The following NME7 variants were observed in gnomAD, a reference collection of about 807,000 sequenced individuals.
NME7 encodes the protein nucleoside diphosphate kinase 7.
NME7 carries 41 observed loss-of-function variants against 49.1 expected under a neutral mutation model. That is an observed-to-expected ratio of 0.83 (90% CI 0.65 to 1.08). The LOEUF (loss-of-function observed/expected upper bound fraction) is 1.08, where lower values mean the gene tolerates loss of function less well. NME7 is among the 50% of genes least tolerant of loss of function. The pLI is 0.00. For synonymous variants in NME7, 139 were observed against 150.6 expected (o/e 0.92, Z 0.56); for missense variants, 423 against 463.4 (o/e 0.91, Z 0.80).
At chr1:169,233,939 TTTC>T (rs200047393) in intron 9 of NME7, among the ~76,000 whole-genome samples, 3 of 150,680 alleles carry the variant, frequency 2.0e-5, no homozygotes, top group Admixed American at 6.6e-5. Flanking sequence ...TGTTTCTTTC[TTTC>T]TTCTTTTTCT....
chr1:169,275,852 T>C (rs1649696632), intron 7 of NME7, among the ~76,000 whole-genome samples: 2 of 131,804 alleles, frequency 1.5e-5, no homozygotes, highest in African/African-American at 5.1e-5. Context: ...TATTTTGAGA[T>C]ACATCCCATC....
At chr1:169,251,781 A>G (rs1329740074) in intron 7 of NME7, among the ~76,000 whole-genome samples, 14 of 145,512 alleles carry the variant, frequency 9.6e-5, no homozygotes, top group Non-Finnish European at 1.6e-4. Context: ...TCATTGTTCA[A>G]TTCCCACCTA....
intron 1 of NME7, among the ~76,000 whole-genome samples, chr1:169,336,031 C>G (rs4534447): frequency 6.6e-6 from 1 of 151,628 alleles, no homozygotes; most frequent in Non-Finnish European, 1.5e-5. Context: ...GTGGCGCATC[C>G]GGAGTCTGTC....
intron 11 of NME7, among the ~76,000 whole-genome samples, chr1:169,151,153 G>A (rs1392388985): frequency 1.6e-5 from 2 of 125,912 alleles, no homozygotes; most frequent in African/African-American, 2.8e-5. Flanking sequence ...CCAGGAGAGG[G>A]GGCCCAGGCT....
Position 169,354,970 on chromosome 1 carries a change from TAATTATATATGTTTATATATAATATA to T in NME7, c.3+12712_3+12737del, listed in dbSNP as rs1653339166. ...ATATTATATATGTTTATATATAATA[TAATTATATATGTTTATATATAATATA>T]ATTATATATGTTTATATATAATATA... On this transcript the variant is annotated intron_variant, in intron 1 of 11. Coordinates refer to ENST00000367811, the MANE Select transcript of NME7 (RefSeq NM_013330.5). Among the ~76,000 whole-genome samples, 3 of 27,900 alleles carry T rather than the reference TAATTATATATGTTTATATATAATATA, an allele frequency of 1.1e-4. No homozygotes were observed. In the South Asian group the frequency reaches 1.7e-3, roughly 16 times the overall value. The allele number at this position is 27,900 out of a possible 152,430, so 18.3% of individuals were successfully genotyped here.
chr1:169,281,584 T>C (rs958478850), intron 7 of NME7, among the ~76,000 whole-genome samples: 2 of 152,196 alleles, frequency 1.3e-5, no homozygotes, highest in African/African-American at 4.8e-5. Flanking sequence ...ATATTGGCTG[T>C]GGGTTTGTCA....
At chr1:169,363,651 T>C (rs1653743630) in intron 1 of NME7, among the ~76,000 whole-genome samples, 1 of 152,212 alleles carries the variant, frequency 6.6e-6, no homozygotes, top group Non-Finnish European at 1.5e-5. Flanking sequence ...TTTCTATTAT[T>C]TTATTACATT....
At chr1:169,180,582 A>T (rs1435450314) in intron 10 of NME7, among the ~76,000 whole-genome samples, 1 of 152,178 alleles carries the variant, frequency 6.6e-6, no homozygotes, top group Non-Finnish European at 1.5e-5. Flanking sequence ...ATTCCAGACC[A>T]AGGTGAGCAT....
chr1:169,186,560 T>C (rs1384343662), intron 10 of NME7, among the ~76,000 whole-genome samples: 1 of 152,216 alleles, frequency 6.6e-6, no homozygotes, highest in Admixed American at 6.5e-5. Context: ...GTAGAGATGT[T>C]TACAGTATTC....
chr1:169,224,787 G>A (rs1647250275), intron 10 of NME7, among the ~76,000 whole-genome samples: 1 of 152,106 alleles, frequency 6.6e-6, no homozygotes, highest in Non-Finnish European at 1.5e-5. Context: ...TCTGCTACAT[G>A]CTAGAAATAC....
Position 169,336,884 on chromosome 1 carries a change from G to A in NME7, c.4-12384C>T, listed in dbSNP as rs950264528. ...ACTCACAAACCTTGAGCTAGACACA[G>A]GGTGCTGATTGGTGTGTTTACAAAC... On this transcript the variant is annotated intron_variant, in intron 1 of 11. Coordinates refer to ENST00000367811, the MANE Select transcript of NME7 (RefSeq NM_013330.5). Among the ~76,000 whole-genome samples, 7 of 152,190 alleles carry A rather than the reference G, an allele frequency of 4.6e-5. No individual in the cohort carries two copies. The South Asian group carries it at 1.5e-3, about 32-fold the overall frequency.
intron 11 of NME7, among the ~76,000 whole-genome samples, chr1:169,146,637 A>C (rs1199757463): frequency 6.6e-6 from 1 of 152,216 alleles, no homozygotes; most frequent in East Asian, 1.9e-4. Context: ...TAATAAATGT[A>C]AAATAAATAC....
chr1:169,205,782 T>C (rs1660658361), intron 10 of NME7, among the ~76,000 whole-genome samples: 1 of 152,146 alleles, frequency 6.6e-6, no homozygotes, highest in Non-Finnish European at 1.5e-5. Flanking sequence ...TCTGCAATGG[T>C]CCCCTTCTTA....
intron 1 of NME7, among the ~76,000 whole-genome samples, chr1:169,364,113 C>T (rs932454765): frequency 2.6e-5 from 4 of 152,326 alleles, no homozygotes; most frequent in African/African-American, 9.6e-5. Flanking sequence ...TTCTCTCAGA[C>T]CACTTAGCGC....
At chr1:169,215,220 A>G (rs1245788096) in intron 10 of NME7, among the ~76,000 whole-genome samples, 1 of 152,126 alleles carries the variant, frequency 6.6e-6, no homozygotes, top group East Asian at 1.9e-4. Context: ...ACATCCAGCC[A>G]TCATCTCTGA....
chr1:169,176,736 T>TC (rs3841796), intron 10 of NME7, among the ~76,000 whole-genome samples: 16 of 149,764 alleles, frequency 1.1e-4, no homozygotes, highest in Admixed American at 1.0e-3. Flanking sequence ...CTCTTGGTTC[T>TC]TTTTTAAAAG....
intron 10 of NME7, among the ~76,000 whole-genome samples, chr1:169,225,153 AG>A (rs749592430): frequency 1.2e-4 from 18 of 152,044 alleles, no homozygotes; most frequent in African/African-American, 1.9e-4. Flanking sequence ...TTTTTGTCCA[AG>A]CTGGAGTGCA....
chr1:169,278,954 G>A (rs1291456973), intron 7 of NME7, among the ~76,000 whole-genome samples: 2 of 152,186 alleles, frequency 1.3e-5, no homozygotes, highest in African/African-American at 4.8e-5. Flanking sequence ...GTCCACTCCA[G>A]ACCCTGTTTG....
intron 10 of NME7, among the ~76,000 whole-genome samples, chr1:169,193,302 C>T (rs910771264): frequency 4.6e-5 from 7 of 152,134 alleles, no homozygotes; most frequent in African/African-American, 1.7e-4. Context: ...CCCAAAGTCT[C>T]TCTTTTTGTC....
Sources: gnomAD v4.1 joint callset for allele counts (sites outside exome capture counted in the v4.1 genomes callset) on GRCh38, gnomAD v4.1.1 for gene constraint, MANE v1.5 for transcripts, NCBI Gene and HGNC (gene_info 2026-07-23, HGNC 2026-07-21) for gene names.